TRPM5: variants seen among roughly 807,000 people sequenced by gnomAD.
TRPM5 encodes the protein transient receptor potential cation channel subfamily M member 5, also known as MLSN1 and TRP-related.
A neutral mutation model predicts 124.9 loss-of-function variants in TRPM5; 121 were observed. The ratio of observed to expected loss-of-function variants is 0.97; its 90% CI spans 0.84 to 1.13. The LOEUF (loss-of-function observed/expected upper bound fraction) is 1.13. TRPM5 is among the 50% of genes most tolerant of loss of function. The pLI is 0.00. For synonymous variants in TRPM5, 781 were observed against 700.5 expected, an observed-to-expected ratio of 1.11 and a Z score of -1.81; for missense variants, 1,643 against 1,589.1, an observed-to-expected ratio of 1.03 and a Z score of -0.58.
intron 18 of TRPM5, among the ~76,000 whole-genome samples, chr11:2,410,199 A>G (rs1285379388): frequency 6.6e-6 from 1 of 152,216 alleles, no homozygotes; most frequent in African/African-American, 2.4e-5. Context: ...GGGGGCTGAG[A>G]AAACAGCCCA....
chr11:2,421,050 G>T, exon 3 of TRPM5: 1 of 1,545,814 alleles, frequency 6.5e-7, no homozygotes, highest in Non-Finnish European at 8.7e-7. Flanking sequence ...CCTCCAGAAT[G>T]CGGCGGTGCA....
At chr11:2,406,640 G>A (rs139971788) in intron 21 of TRPM5, 21 bp downstream of exon 26, 13 of 1,589,604 alleles carry the variant, frequency 8.2e-6, no homozygotes, top group South Asian at 8.0e-5. Flanking sequence ...ACCCACCAGT[G>A]ATCAGGACAG....
At position 2,420,999 on chromosome 11, in the gene TRPM5, C is replaced by T. The variant is rs772943445; in HGVS notation, c.465+33G>A. The T allele has an allele frequency of 7.0e-5, 106 of 1,515,864 alleles. No homozygotes were observed. In the African/African-American group the frequency reaches 1.3e-3, roughly 19 times the overall value. 93.9% of individuals were successfully genotyped at this position (1,515,864 alleles called of 1,614,324 possible). On this transcript the variant is annotated intron_variant, in intron 3 of 23. Coordinates refer to ENST00000155858, the Ensembl canonical transcript of TRPM5. ...TTCTGAGCCCCTGCCTCCAGGCCCC[C>T]AGCGGTCGTGGTGCTGGGAGCTGGA... is the stretch of plus-strand genomic sequence containing the variant.
chr11:2,415,521 A>C, intron 8 of TRPM5, 50 bp from the exon 14 acceptor site: 1 of 1,277,846 alleles, frequency 7.8e-7, no homozygotes, highest in South Asian at 1.4e-5. Flanking sequence ...AGTGAGCGAG[A>C]GACAGGAGGA....
At chr11:2,413,261 G>A in intron 13 of TRPM5, 35 bp from the exon 19 acceptor site, 3 of 1,503,454 alleles carry the variant, frequency 2.0e-6, no homozygotes, top group Non-Finnish European at 1.8e-6. Flanking sequence ...CCCGCAGGAA[G>A]GGCTCCCAGA....
At chr11:2,414,568 G>A in intron 11 of TRPM5, 147 bp downstream of exon 16, 2 of 1,201,272 alleles carry the variant, frequency 1.7e-6, no homozygotes, top group Non-Finnish European at 2.3e-6. Context: ...AGAGCCGTCT[G>A]TCCTCTCCTA....
the TRPM5 span, among the ~76,000 whole-genome samples, chr11:2,435,132 C>T: frequency 6.6e-6 from 1 of 152,040 alleles, no homozygotes; most frequent in African/African-American, 2.4e-5. This position sits in a 1 kb window ranked among gnomAD's most constrained non-coding sequence, Gnocchi z 4.1. Context: ...CTTCTATGTG[C>T]CAGGCACTGT....
chr11:2,422,148 C>A (rs377658146), exon 2 of TRPM5: 5 of 1,604,028 alleles, frequency 3.1e-6, no homozygotes, highest in Non-Finnish European at 4.3e-6. Context: ...CACCTGTGCT[C>A]TGAGCCGCCT....
At chr11:2,436,035 C>A in the TRPM5 span, among the ~76,000 whole-genome samples, 1 of 152,384 alleles carries the variant, frequency 6.6e-6, no homozygotes, top group South Asian at 2.1e-4. Context: ...AGGTCACTAT[C>A]CTCGAGGCCA....
At position 2,411,343 on chromosome 11, in the gene TRPM5, T is replaced by C. The variant is rs374478539; in HGVS notation, c.2782+9A>G. On this transcript the variant is annotated intron_variant, in intron 18 of 23. Transcript: ENST00000155858. ...TCCCTGCCCCTGCCCCCGCTGGCTGTGTGCAAACCATCAATCTCGTCCAGT... is the reference window on the plus strand; with the variant it reads ...TCCCTGCCCCTGCCCCCGCTGGCTGCGTGCAAACCATCAATCTCGTCCAGT... 43 of 1,577,994 alleles carry C rather than the reference T, an allele frequency of 2.7e-5. No homozygotes were observed. Among genetic ancestry groups the C allele is most frequent in the Non-Finnish European group, 3.6e-5 (42 of 1,157,646 alleles).
At chr11:2,414,009 G>GGGCCCCCCCCCCCCCCCCCCCCCCCCC in intron 12 of TRPM5, 52 bp downstream of exon 17, 2 of 1,023,724 alleles carry the variant, frequency 2.0e-6, no homozygotes, top group Non-Finnish European at 2.9e-6. Context: ...GGCCCAGCTC[G>GGGCCCCCCCCCCCCCCCCCCCCCCCCC]CCCGCCCACC....
the TRPM5 span, among the ~76,000 whole-genome samples, chr11:2,436,097 G>A: frequency 6.6e-6 from 1 of 152,220 alleles, no homozygotes; most frequent in Non-Finnish European, 1.5e-5. Flanking sequence ...ACCCAGCAAG[G>A]CTGGGAATTC....
At chr11:2,407,054 C>G in intron 20 of TRPM5, 65 bp downstream of exon 25, 1 of 1,458,174 alleles carries the variant, frequency 6.9e-7, no homozygotes, top group Non-Finnish European at 9.0e-7. Context: ...CTCCAGCGCA[C>G]AGCCCCGCCC....
rs996195356 is a variant in TRPM5 at position 2,405,720 on chromosome 11, G to A, written c.3325-127C>T. On this transcript the variant is annotated intron_variant, in intron 22 of 23. Coordinates refer to ENST00000155858, the Ensembl canonical transcript of TRPM5. The stretch of plus-strand genomic sequence containing the variant: ...CCTGTGACTCCTCCCTCTGAGAGCT[G>A]CCGCTCACAGGCAGGGGTGAGTGAG... The A allele has an allele frequency of 2.3e-5, 24 of 1,064,940 alleles. No individual in the cohort carries two copies. The African/African-American group carries it at 3.1e-4, about 14-fold the overall frequency. 66.0% of individuals were successfully genotyped at this position (1,064,940 alleles called of 1,614,324 possible).
exon 19 of TRPM5, chr11:2,407,845 A>G: frequency 6.2e-7 from 1 of 1,614,040 alleles, no homozygotes; most frequent in Non-Finnish European, 8.5e-7. Context: ...GCCAGTTGGC[A>G]TAGAGGCTGG....
intron 12 of TRPM5, 52 bp downstream of exon 17, chr11:2,414,009 G>GCCCACCCCCCC: frequency 9.8e-7 from 1 of 1,023,734 alleles, no homozygotes; most frequent in Non-Finnish European, 1.4e-6. Flanking sequence ...GGCCCAGCTC[G>GCCCACCCCCCC]CCCGCCCACC....
chr11:2,410,555 C>G (rs1850424338), intron 18 of TRPM5: 3 of 314,106 alleles, frequency 9.6e-6, no homozygotes, highest in Non-Finnish European at 1.9e-5. Flanking sequence ...GGGCTCCTCA[C>G]TGAGTCCCAG....
At chr11:2,415,274 C>T (rs762569194) in exon 9 of TRPM5, 21 of 1,572,822 alleles carry the variant, frequency 1.3e-5, no homozygotes, top group South Asian at 4.6e-5. Context: ...GGCCGGCCAG[C>T]GTCAGCCGGG....
At chr11:2,413,222 C>T in exon 14 of TRPM5, 1 of 1,547,532 alleles carries the variant, frequency 6.5e-7, no homozygotes, top group Non-Finnish European at 8.7e-7. Context: ...AGGGGAGCTT[C>T]CTCACTGCGA....
Sources: allele counts gnomAD v4.1 joint callset (sites outside exome capture counted in the v4.1 genomes callset), GRCh38; gene constraint gnomAD v4.1.1; non-coding constraint Gnocchi (gnomAD v3.1); transcripts MANE v1.5; gene names NCBI Gene and HGNC (gene_info 2026-07-23, HGNC 2026-07-21).